Variants in PXDNL observed in about 807,000 individuals in gnomAD.
PXDNL encodes probable oxidoreductase PXDNL.
Under a neutral mutation model 150.8 loss-of-function variants are expected in PXDNL, and 145 were observed. The ratio of observed to expected loss-of-function variants is 0.96; its 90% CI spans 0.84 to 1.10. The LOEUF is 1.10. PXDNL is among the 50% of genes least tolerant of loss of function. The probability of loss-of-function intolerance (pLI) is 0.00; values close to 1 mark genes in which losing one functional copy is unlikely to be tolerated. For synonymous variants in PXDNL, 757 were observed against 725.7 expected, an observed-to-expected ratio of 1.04 and a Z score of -0.69; for missense variants, 2,087 against 1,873.9, an observed-to-expected ratio of 1.11 and a Z score of -2.10.
chr8:51,734,506 A>G (rs1430674814), intron 1 of PXDNL, among the ~76,000 whole-genome samples: 4 of 152,230 alleles, frequency 2.6e-5, no homozygotes, highest in African/African-American at 9.6e-5. Context: ...AGGAACTCAC[A>G]GCTCATCAAC....
chr8:51,342,511 A>G (rs1806018500), intron 20 of PXDNL, among the ~76,000 whole-genome samples: 1 of 136,466 alleles, frequency 7.3e-6, no homozygotes, highest in African/African-American at 3.4e-5. Flanking sequence ...TTGATTTCTG[A>G]TTGAAAAAAA....
chr8:51,718,962 C>A (rs1233936996), intron 1 of PXDNL, among the ~76,000 whole-genome samples: 1 of 151,824 alleles, frequency 6.6e-6, no homozygotes, highest in African/African-American at 2.4e-5. Context: ...AGCCCCCACC[C>A]GGCCAGCCAC....
rs938176586 is a variant in PXDNL, at chr8:51,704,958, C to T, written c.165-50198G>A. Reference sequence around the variant, plus strand: ...ACACATAAACACTTTATACTAAATTCTCTTCTCAGGGATACTGGAGCCATT... The same window carrying T: ...ACACATAAACACTTTATACTAAATTTTCTTCTCAGGGATACTGGAGCCATT... On this transcript the variant is annotated intron_variant, in intron 1 of 22. Coordinates refer to ENST00000356297, the MANE Select transcript of PXDNL (RefSeq NM_144651.5). Among the ~76,000 whole-genome samples, 7 of 152,254 alleles carry T rather than the reference C, an allele frequency of 4.6e-5. No individual in the cohort carries two copies. In the East Asian group the frequency reaches 1.4e-3, roughly 29 times the overall value.
At chr8:51,344,985 C>A (rs1480249381) in intron 20 of PXDNL, among the ~76,000 whole-genome samples, 2 of 152,078 alleles carry the variant, frequency 1.3e-5, no homozygotes, top group East Asian at 3.9e-4. Flanking sequence ...GAGTACAGGG[C>A]CCATATATTG....
intron 2 of PXDNL, among the ~76,000 whole-genome samples, chr8:51,649,767 C>T (rs567473678): frequency 1.3e-5 from 2 of 151,084 alleles, no homozygotes; most frequent in Non-Finnish European, 3.0e-5. Flanking sequence ...TAGAAAAATT[C>T]TCATTATTGA....
At chr8:51,688,258 G>A (rs1182258563) in intron 1 of PXDNL, among the ~76,000 whole-genome samples, 1 of 152,052 alleles carries the variant, frequency 6.6e-6, no homozygotes, top group African/African-American at 2.4e-5. Context: ...GGAGTCAGAA[G>A]CATGTCAGCC....
intron 1 of PXDNL, among the ~76,000 whole-genome samples, chr8:51,702,575 ATT>A: frequency 1.3e-5 from 2 of 152,272 alleles, no homozygotes; most frequent in East Asian, 3.9e-4. Context: ...TAGGGTGTGA[ATT>A]TCGATCCTGC....
intron 3 of PXDNL, among the ~76,000 whole-genome samples, chr8:51,579,861 A>C (rs1222427539): frequency 6.6e-6 from 1 of 152,012 alleles, no homozygotes; most frequent in Non-Finnish European, 1.5e-5. Context: ...TGATGAAAAA[A>C]GGCTTTTTGT....
In PXDNL at chr8:51,345,473, T is replaced by G. The variant is rs553494273; in HGVS notation, c.4016+360A>C. Among the ~76,000 whole-genome samples, 28 of 152,330 alleles carry G rather than the reference T, an allele frequency of 1.8e-4. No individual in the cohort carries two copies. The East Asian group carries it at 4.6e-3, about 25-fold the overall frequency. ...CAAATCAACTTAACATGAATTAGCT[T>G]AAATAGATACTATTACCTTTCTCGC... On this transcript the variant is annotated intron_variant, in intron 20 of 22. Transcript: ENST00000356297.
chr8:51,367,320 A>G (rs369571189), intron 19 of PXDNL, among the ~76,000 whole-genome samples: 2 of 152,022 alleles, frequency 1.3e-5, no homozygotes, highest in African/African-American at 4.8e-5. Context: ...ACCAAAAACC[A>G]TGGAAAAAGC....
chr8:51,642,626 T>G lies in PXDNL; in HGVS notation c.236+12063A>C, dbSNP rs575337156. 2.0e-3 allele frequency among the ~76,000 whole-genome samples: 299 copies of G among 152,142 alleles called. 2 individuals carry two copies. Among genetic ancestry groups the G allele is most frequent in the African/African-American group, 5.5e-3 (229 of 41,440 alleles). ...AACTGGAAGCATTCCCTTTGAAAAC[T>G]GGCACAAGACAGGGATGCCCTCACT... On this transcript the variant is annotated intron_variant, in intron 2 of 22. Transcript: ENST00000356297.
intron 17 of PXDNL, among the ~76,000 whole-genome samples, chr8:51,407,614 T>G (rs932186795): frequency 6.6e-5 from 10 of 152,196 alleles, no homozygotes; most frequent in African/African-American, 2.4e-4. Flanking sequence ...AGCCCTAACT[T>G]AAATTCCGAC....
intron 4 of PXDNL, among the ~76,000 whole-genome samples, chr8:51,502,196 A>G (rs1811199977): frequency 6.6e-6 from 1 of 152,182 alleles, no homozygotes; most frequent in African/African-American, 2.4e-5. Context: ...CTTAGGAAAA[A>G]TGTGGTACAG....
At chr8:51,338,890 C>T (rs1264958711) in intron 21 of PXDNL, among the ~76,000 whole-genome samples, 1 of 152,152 alleles carries the variant, frequency 6.6e-6, no homozygotes, top group Non-Finnish European at 1.5e-5. Context: ...AACAGTACTT[C>T]CTAAGAAGCT....
Position 51,409,037 on chromosome 8 carries a change from C to A in PXDNL, c.2587G>T (p.Ala863Ser), listed in dbSNP as rs751302557. ...RGTHAPCMLF[A>S]RSSPACASGR... Reference sequence around the variant, plus strand: ...CTGGCACACGCGGGGCTGGAGCGCGCGAAGAGCATGCAGGGCGCGTGGGTG... The same window carrying A: ...CTGGCACACGCGGGGCTGGAGCGCGAGAAGAGCATGCAGGGCGCGTGGGTG... The change falls in exon 17 of 23, where the codon GCG (alanine) becomes TCG (serine). Residue 863 changes from alanine (A) to serine (S), a missense_variant. Transcript: ENST00000356297. The A allele has an allele frequency of 1.9e-6, 3 of 1,610,352 alleles. No individual in the cohort carries two copies. Among genetic ancestry groups the A allele is most frequent in the Non-Finnish European group, 2.5e-6 (3 of 1,179,688 alleles).
intron 1 of PXDNL, among the ~76,000 whole-genome samples, chr8:51,694,272 G>A (rs1332590930): frequency 6.6e-6 from 1 of 152,102 alleles, no homozygotes; most frequent in East Asian, 1.9e-4. Context: ...CTGAGGCTGG[G>A]GAATCACTTG....
chr8:51,456,042 A>G (rs1445913096), intron 9 of PXDNL, among the ~76,000 whole-genome samples: 1 of 152,124 alleles, frequency 6.6e-6, no homozygotes, highest in African/African-American at 2.4e-5. Context: ...TATCCATGCC[A>G]CCACCAACTC....
Position 51,472,407 on chromosome 8 carries a change from A to G in PXDNL, c.695-103T>C, listed in dbSNP as rs1003371618. The G allele has an allele frequency of 1.7e-5, 13 of 784,074 alleles. No individual in the cohort carries two copies. The African/African-American group carries it at 2.1e-4, about 13-fold the overall frequency. 48.6% of individuals were successfully genotyped at this position (784,074 alleles called of 1,614,324 possible). A position where few individuals can be genotyped will look rare whatever the true frequency, so the allele number is the denominator to read the frequency against. ...GGCAATTTAAATTTATTTCTACATT[A>G]AAGTTTTACACATCGAACTGCATTT... On this transcript the variant is annotated intron_variant, in intron 7 of 22. Coordinates refer to ENST00000356297, the MANE Select transcript of PXDNL (RefSeq NM_144651.5).
At chr8:51,379,250 T>C (rs1167933815) in intron 17 of PXDNL, among the ~76,000 whole-genome samples, 1 of 152,158 alleles carries the variant, frequency 6.6e-6, no homozygotes, top group African/African-American at 2.4e-5. Flanking sequence ...GTATGAGTCA[T>C]GTTATTTTGT....
Sources: gnomAD v4.1 joint callset for allele counts (sites outside exome capture counted in the v4.1 genomes callset) on GRCh38, gnomAD v4.1.1 for gene constraint, MANE v1.5 for transcripts, NCBI Gene and HGNC (gene_info 2026-07-23, HGNC 2026-07-21) for gene names.